The following GALK2 variants were observed in gnomAD, a reference collection of about 807,000 sequenced individuals.
GALK2 encodes galactokinase 2.
GALK2 carries 36 observed loss-of-function variants against 52.4 expected under a neutral mutation model. The ratio of observed to expected loss-of-function variants is 0.69; its 90% confidence interval spans 0.53 to 0.91. The LOEUF (loss-of-function observed/expected upper bound fraction) is 0.91. GALK2 is among the 40% of genes least tolerant of loss of function. The pLI, the probability that GALK2 is intolerant of heterozygous loss-of-function variation, is 0.00. For synonymous variants in GALK2, 176 were observed against 199.1 expected (o/e 0.88, Z 0.98); for missense variants, 579 against 559.1 (o/e 1.04, Z -0.36).
chr15:49,178,547 C>A, intron 1 of GALK2: 1 of 264,626 alleles, frequency 3.8e-6, no homozygotes, highest in Non-Finnish European at 7.4e-6. Flanking sequence ...ATGGTGCACA[C>A]GAATCCTATA....
chr15:49,328,069 C>A lies in GALK2; in HGVS notation c.1287C>A (p.Tyr429Ter). The A allele has an allele frequency of 1.2e-6, 2 of 1,613,972 alleles. No homozygotes were observed. The highest frequency in any genetic ancestry group is 1.7e-6 in the Non-Finnish European group (2 of 1,179,958). ...TAGCAAATGTGCACAAAGCTTATTA[C>A]CAGAGGAGTGATGGAAGCTTAGCAC... Reference protein sequence around the residue: ...SFLANVHKAYYQRSDGSLAPE... With the variant: ...SFLANVHKAY Residue 429 changes from tyrosine to a stop codon, truncating the protein, a stop_gained, in exon 10 of 10, where the codon TAC (tyrosine) becomes TAA (stop). Transcript: ENST00000560031. LOFTEE classifies it high-confidence loss of function.
chr15:49,310,545 CT>C (rs2035907757), intron 8 of GALK2, among the ~76,000 whole-genome samples: 1 of 152,106 alleles, frequency 6.6e-6, no homozygotes, highest in Non-Finnish European at 1.5e-5. Context: ...CTCACCATCA[CT>C]TGTTATTTTT....
At chr15:49,256,654 A>G (rs1114003) in intron 5 of GALK2, among the ~76,000 whole-genome samples, 9,182 of 152,172 alleles carry the variant, frequency 0.06, 553 homozygotes, top group African/African-American at 0.15. Context: ...GCCAGATGTA[A>G]TTGGTTAAAT....
intron 9 of GALK2, among the ~76,000 whole-genome samples, chr15:49,326,622 G>A (rs961409759): frequency 6.6e-6 from 1 of 152,070 alleles, no homozygotes; most frequent in African/African-American, 2.4e-5. Flanking sequence ...AATAATCCAA[G>A]GATCCCAAGG....
intron 1 of GALK2, among the ~76,000 whole-genome samples, chr15:49,188,846 A>G (rs2086535671): frequency 6.6e-6 from 1 of 152,200 alleles, no homozygotes; most frequent in Non-Finnish European, 1.5e-5. Context: ...CAATTCCTGA[A>G]TTGGGCAGCA....
intron 6 of GALK2, among the ~76,000 whole-genome samples, chr15:49,282,553 A>G (rs2032849831): frequency 6.6e-6 from 1 of 151,960 alleles, no homozygotes; most frequent in Non-Finnish European, 1.5e-5. Context: ...TCCTGTCAAC[A>G]TTTTTGGGGC....
intron 3 of GALK2, among the ~76,000 whole-genome samples, chr15:49,346,532 T>G (rs2041530134): frequency 6.6e-6 from 1 of 152,130 alleles, no homozygotes; most frequent in Admixed American, 6.6e-5. Context: ...CCAATAAATC[T>G]TTTCTCTTTT....
chr15:49,340,960 C>G (rs765982917), intron 3 of GALK2, among the ~76,000 whole-genome samples: 6 of 152,142 alleles, frequency 3.9e-5, no homozygotes, highest in Admixed American at 3.9e-4. Context: ...AGGAAAGGGT[C>G]CAGTTCCAAT....
chr15:49,210,720 C>T (rs762371985), intron 2 of GALK2, among the ~76,000 whole-genome samples: 3 of 152,040 alleles, frequency 2.0e-5, no homozygotes, highest in East Asian at 3.9e-4. Context: ...GGATTACAGG[C>T]GTGAGTCGCC....
chr15:49,361,187 T>C (rs2044166891), intron 3 of GALK2, among the ~76,000 whole-genome samples: 1 of 152,174 alleles, frequency 6.6e-6, no homozygotes, highest in African/African-American at 2.4e-5. Context: ...ACAATTATAA[T>C]TTGTCAATTA....
chr15:49,335,878 G>A (rs1353775609), downstream of GALK2, among the ~76,000 whole-genome samples: 1 of 151,980 alleles, frequency 6.6e-6, no homozygotes, highest in Admixed American at 6.6e-5. Context: ...TTCGAGACAG[G>A]GTCTTGCTTT....
chr15:49,264,132 G>A (rs2092259107), intron 5 of GALK2, among the ~76,000 whole-genome samples: 1 of 151,412 alleles, frequency 6.6e-6, no homozygotes, highest in Admixed American at 6.6e-5. Context: ...GCTAGATTGG[G>A]GAAGTTCTCC....
chr15:49,189,425 A>C (rs570750164), intron 1 of GALK2, among the ~76,000 whole-genome samples: 32 of 152,200 alleles, frequency 2.1e-4, no homozygotes, highest in African/African-American at 7.7e-4. Context: ...ACATCCCAAG[A>C]CCCCTCAGTA....
chr15:49,310,906 T>C (rs1264138949), intron 8 of GALK2, among the ~76,000 whole-genome samples: 1 of 152,216 alleles, frequency 6.6e-6, no homozygotes, highest in Non-Finnish European at 1.5e-5. Flanking sequence ...TTGTCCTATT[T>C]GTCTATTTTT....
intron 1 of GALK2, among the ~76,000 whole-genome samples, chr15:49,191,933 T>G (rs2141262634): frequency 6.6e-6 from 1 of 152,322 alleles, no homozygotes; most frequent in East Asian, 1.9e-4. Context: ...CTTTTCTTCC[T>G]TTTATATCAC....
chr15:49,160,992 A>T (rs1021452805), intron 1 of GALK2, among the ~76,000 whole-genome samples: 1 of 152,196 alleles, frequency 6.6e-6, no homozygotes, highest in Non-Finnish European at 1.5e-5. Flanking sequence ...TAAGAGGTTT[A>T]TTTGCTCAGA....
At chr15:49,266,019 C>T (rs1041837514) in intron 5 of GALK2, among the ~76,000 whole-genome samples, 2 of 152,162 alleles carry the variant, frequency 1.3e-5, no homozygotes, top group Non-Finnish European at 2.9e-5. Context: ...CTGGGTTCAG[C>T]TTGACAGTAA....
chr15:49,202,673 A>G (rs1181997075), intron 2 of GALK2, among the ~76,000 whole-genome samples: 2 of 152,178 alleles, frequency 1.3e-5, no homozygotes, highest in Admixed American at 6.5e-5. Flanking sequence ...AGAGAGCCAC[A>G]TATCTCTTTG....
At chr15:49,327,876 T>C (rs1010306020) in intron 9 of GALK2, 76 bp from the exon 10 acceptor site, 9 of 1,376,882 alleles carry the variant, frequency 6.5e-6, no homozygotes, top group Non-Finnish European at 9.0e-6. Context: ...AGATAGGCTA[T>C]GTGTTCTACA....
Sources: allele counts gnomAD v4.1 joint callset (sites outside exome capture counted in the v4.1 genomes callset), GRCh38; gene constraint gnomAD v4.1.1; transcripts MANE v1.5; gene names NCBI Gene and HGNC (gene_info 2026-07-23, HGNC 2026-07-21).